Variants in BLTP3B observed in about 807,000 individuals in gnomAD.
BLTP3B encodes UHRF1 (ICBP90) binding protein 1-like.
At chr12:100,115,168 G>A in the BLTP3B span, among the ~76,000 whole-genome samples, 2 of 152,116 alleles carry the variant, frequency 1.3e-5, no homozygotes, top group Non-Finnish European at 2.9e-5. Flanking sequence ...CACTTCGGAA[G>A]GCCAAGGTGG....
the BLTP3B span, among the ~76,000 whole-genome samples, chr12:100,114,539 T>C: frequency 6.6e-6 from 1 of 152,232 alleles, no homozygotes. Context: ...CTCATTATCA[T>C]ATGAAGAGTT....
chr12:100,104,935 G>A, the BLTP3B span, among the ~76,000 whole-genome samples: 2 of 144,984 alleles, frequency 1.4e-5, no homozygotes, highest in Non-Finnish European at 3.0e-5. Context: ...ACCTAACCAA[G>A]GAGTTGAAAG....
At chr12:100,043,087 C>T in the BLTP3B span, among the ~76,000 whole-genome samples, 1 of 152,202 alleles carries the variant, frequency 6.6e-6, no homozygotes, top group East Asian at 1.9e-4. Flanking sequence ...GCGTGAGCCA[C>T]CACGCCCAGC....
chr12:100,142,872 C>G, the BLTP3B span: 15 of 486,956 alleles, frequency 3.1e-5, no homozygotes, highest in African/African-American at 3.1e-4. Context: ...ACCTAAGAGA[C>G]TCGGTGGAGG....
the BLTP3B span, chr12:100,059,988 T>C: frequency 6.2e-7 from 1 of 1,612,946 alleles, no homozygotes; most frequent in Non-Finnish European, 8.5e-7. Context: ...GAATGCTTCT[T>C]TCATCCACAG....
the BLTP3B span, among the ~76,000 whole-genome samples, chr12:100,103,103 G>A: frequency 6.6e-6 from 1 of 151,976 alleles, no homozygotes; most frequent in South Asian, 2.1e-4. Flanking sequence ...GTGTTGGGGG[G>A]TGGGGAATTA....
the BLTP3B span, among the ~76,000 whole-genome samples, chr12:100,142,342 C>A: frequency 6.6e-6 from 1 of 152,318 alleles, no homozygotes; most frequent in East Asian, 1.9e-4. Flanking sequence ...CCGCCGCGCT[C>A]CGCACTCCGG....
the BLTP3B span, among the ~76,000 whole-genome samples, chr12:100,086,821 C>T: frequency 6.6e-6 from 1 of 152,060 alleles, no homozygotes; most frequent in Non-Finnish European, 1.5e-5. Context: ...GGATTTGAAC[C>T]CAGGAAATCT....
chr12:100,060,045 T>G, the BLTP3B span: 1 of 1,563,334 alleles, frequency 6.4e-7, no homozygotes, highest in Non-Finnish European at 8.6e-7. Flanking sequence ...GAGATGGAAC[T>G]GTGGAGACAA....
chr12:100,097,427 T>A, the BLTP3B span: 6 of 1,613,670 alleles, frequency 3.7e-6, no homozygotes, highest in Non-Finnish European at 5.1e-6. Flanking sequence ...GGAGCACACA[T>A]AATTTCAAGA....
the BLTP3B span, among the ~76,000 whole-genome samples, chr12:100,116,919 A>C: frequency 6.6e-6 from 1 of 152,210 alleles, no homozygotes; most frequent in East Asian, 1.9e-4. Flanking sequence ...ATATAAAAAT[A>C]AATCAGTTGA....
At chr12:100,104,605 A>G in the BLTP3B span, among the ~76,000 whole-genome samples, 76 of 151,880 alleles carry the variant, frequency 5.0e-4, no homozygotes, top group Non-Finnish European at 1.1e-3. Flanking sequence ...TTTAATCCTA[A>G]AATTCTGAGC....
At chr12:100,112,421 T>C in the BLTP3B span, among the ~76,000 whole-genome samples, 1 of 152,174 alleles carries the variant, frequency 6.6e-6, no homozygotes. Context: ...CTGGGAGGAT[T>C]GCTTGAGCCT....
the BLTP3B span, among the ~76,000 whole-genome samples, chr12:100,089,409 A>T: frequency 2.0e-5 from 3 of 152,048 alleles, no homozygotes; most frequent in Non-Finnish European, 4.4e-5. Flanking sequence ...AAATATAAAA[A>T]ATTAGCTGGG....
At chr12:100,046,470 G>A in the BLTP3B span, among the ~76,000 whole-genome samples, 274 of 151,614 alleles carry the variant, frequency 1.8e-3, no homozygotes, top group Non-Finnish European at 2.4e-3. Flanking sequence ...GCAAACTACC[G>A]CAAGGACAGA....
At chr12:100,069,053 T>G in the BLTP3B span, among the ~76,000 whole-genome samples, 2 of 151,998 alleles carry the variant, frequency 1.3e-5, no homozygotes, top group Non-Finnish European at 2.9e-5. Context: ...CTGGTTAACA[T>G]GTTAAAATTT....
the BLTP3B span, among the ~76,000 whole-genome samples, chr12:100,045,366 T>C: frequency 6.6e-6 from 1 of 151,648 alleles, no homozygotes; most frequent in Non-Finnish European, 1.5e-5. Flanking sequence ...AATGCTACAG[T>C]AACCAAAACA....
the BLTP3B span, among the ~76,000 whole-genome samples, chr12:100,142,401 G>C: frequency 2.0e-5 from 3 of 152,148 alleles, no homozygotes; most frequent in East Asian, 3.9e-4. Context: ...GGGCCGATTC[G>C]TGAGGCCAGC....
At chr12:100,058,257 G>A in the BLTP3B span, 1 of 1,613,368 alleles carries the variant, frequency 6.2e-7, no homozygotes. Flanking sequence ...GATACTACTT[G>A]AATCTGTATA....
Sources: gnomAD v4.1 joint callset for allele counts (sites outside exome capture counted in the v4.1 genomes callset) on GRCh38, gnomAD v4.1.1 for gene constraint, MANE v1.5 for transcripts, NCBI Gene and HGNC (gene_info 2026-07-23, HGNC 2026-07-21) for gene names.